Variants in HCN1 observed in about 807,000 individuals in gnomAD.
The protein encoded by HCN1 is potassium/sodium hyperpolarization-activated cyclic nucleotide-gated channel 1.
In HCN1, 13 loss-of-function variants were observed where a neutral mutation model predicts 78.9. The ratio of observed to expected loss-of-function variants is 0.16; its 90% CI spans 0.11 to 0.26. The LOEUF (loss-of-function observed/expected upper bound fraction) is 0.26, where lower values mean the gene tolerates loss of function less well. HCN1 is among the 10% of genes least tolerant of loss of function. The pLI is 1.00. For missense variants in HCN1, 810 were observed against 1,154.3 expected (o/e 0.70, Z 4.32); for synonymous variants, 552 against 455.5 (o/e 1.21, Z -2.70).
At chr5:45,479,069 G>A (rs1368937764) in intron 2 of HCN1, among the ~76,000 whole-genome samples, 1 of 151,614 alleles carries the variant, frequency 6.6e-6, no homozygotes, top group African/African-American at 2.4e-5. Context: ...AGAGGTTGCA[G>A]TGAACAGAGA....
intron 3 of HCN1, among the ~76,000 whole-genome samples, chr5:45,455,312 T>C (rs1269662099): frequency 6.6e-6 from 1 of 152,052 alleles, no homozygotes; most frequent in Non-Finnish European, 1.5e-5. Flanking sequence ...TTCCTATTAA[T>C]AGATATGTCA....
At chr5:45,641,847 C>T (rs1745460741) in intron 2 of HCN1, 2 of 152,116 alleles carry the variant, frequency 1.3e-5, no homozygotes, top group Admixed American at 6.6e-5. Context: ...CCTTAATCTA[C>T]TCTTTATCTC....
chr5:45,366,498 CT>C (rs2111998532), intron 4 of HCN1, among the ~76,000 whole-genome samples: 1 of 151,812 alleles, frequency 6.6e-6, no homozygotes, highest in African/African-American at 2.4e-5. Flanking sequence ...TAATCTTCTA[CT>C]TCATTATTTT....
At chr5:45,266,676 A>T (rs187944769) in intron 7 of HCN1, among the ~76,000 whole-genome samples, 13 of 152,080 alleles carry the variant, frequency 8.5e-5, no homozygotes, top group Admixed American at 6.5e-4. Flanking sequence ...ACACAAATTA[A>T]CAAGCAAGCT....
chr5:45,691,391 G>A (rs1690613347), intron 1 of HCN1, among the ~76,000 whole-genome samples: 1 of 151,626 alleles, frequency 6.6e-6, no homozygotes, highest in Admixed American at 6.6e-5. Context: ...TCTACTAAAT[G>A]CAACAGTGAA....
chr5:45,315,760 C>A (rs991050093), intron 5 of HCN1, among the ~76,000 whole-genome samples: 5 of 152,130 alleles, frequency 3.3e-5, no homozygotes, highest in Admixed American at 1.3e-4. Context: ...GAAATACAGA[C>A]TACCATCAGA....
chr5:45,617,043 T>A (rs1034520395), intron 2 of HCN1, among the ~76,000 whole-genome samples: 8 of 152,176 alleles, frequency 5.3e-5, no homozygotes, highest in African/African-American at 1.9e-4. Flanking sequence ...GAGCAGTGAT[T>A]TCAAAAATAC....
At chr5:45,375,228 T>C (rs1579853130) in intron 4 of HCN1, among the ~76,000 whole-genome samples, 2 of 115,830 alleles carry the variant, frequency 1.7e-5, no homozygotes, top group African/African-American at 3.5e-5. Context: ...TATAATATTT[T>C]ATAATATATA....
intron 2 of HCN1, among the ~76,000 whole-genome samples, chr5:45,551,609 A>G (rs969697056): frequency 6.6e-6 from 1 of 151,962 alleles, no homozygotes; most frequent in Non-Finnish European, 1.5e-5. Flanking sequence ...TTGTTTATTC[A>G]GATTATAATC....
chr5:45,350,236 A>C (rs868284754), intron 5 of HCN1, among the ~76,000 whole-genome samples: 1 of 152,188 alleles, frequency 6.6e-6, no homozygotes, highest in South Asian at 2.1e-4. Context: ...AAATCAATAA[A>C]TGTAATCCAG....
At chr5:45,451,908 C>T (rs532184822) in intron 3 of HCN1, among the ~76,000 whole-genome samples, 204 of 152,076 alleles carry the variant, frequency 1.3e-3, no homozygotes, top group African/African-American at 4.5e-3. Flanking sequence ...AAGGGTAGCA[C>T]ACAGTGATCT....
chr5:45,303,726 T>A lies in HCN1; in HGVS notation c.1491A>T (p.Gln497His). The change falls in exon 6 of 8, where the codon CAA becomes CAT. Residue 497 changes from glutamine to histidine, a missense_variant. Gln to His is a conservative substitution (Grantham distance 24). Transcript: ENST00000303230. ...MLSKLRFEVF[Q>H]PGDYIIREGA... ...CTTCTCGTATGATATAATCTCCAGGTTGAAACACCTCAAATCTCAACTTGC... is the reference window on the plus strand; with the variant it reads ...CTTCTCGTATGATATAATCTCCAGGATGAAACACCTCAAATCTCAACTTGC... 1 of 1,613,714 alleles carries A rather than the reference T, an allele frequency of 6.2e-7. No homozygotes were observed. The highest frequency in any genetic ancestry group is 2.2e-5 in the East Asian group (1 of 44,838).
chr5:45,508,686 A>G (rs901607556), intron 2 of HCN1, among the ~76,000 whole-genome samples: 2 of 152,160 alleles, frequency 1.3e-5, no homozygotes, highest in African/African-American at 4.8e-5. Flanking sequence ...TCTATATAGA[A>G]TGTCTGTGAT....
intron 2 of HCN1, among the ~76,000 whole-genome samples, chr5:45,614,899 C>T (rs1744911894): frequency 6.6e-6 from 1 of 151,114 alleles, no homozygotes. Context: ...TTTGGAAATT[C>T]ATCTATTGGT....
At chr5:45,463,916 T>A (rs1375897148) in intron 2 of HCN1, among the ~76,000 whole-genome samples, 1 of 152,076 alleles carries the variant, frequency 6.6e-6, no homozygotes, top group Non-Finnish European at 1.5e-5. Context: ...GCTTATCACA[T>A]TTCAGCCCAA....
At chr5:45,460,392 C>T (rs76606060) in intron 3 of HCN1, among the ~76,000 whole-genome samples, 3 of 151,942 alleles carry the variant, frequency 2.0e-5, no homozygotes, top group Admixed American at 2.0e-4. Flanking sequence ...ACTCTCCAGG[C>T]TCCAGAGCAG....
At chr5:45,598,750 A>T (rs564143225) in intron 2 of HCN1, among the ~76,000 whole-genome samples, 1 of 152,330 alleles carries the variant, frequency 6.6e-6, no homozygotes, top group East Asian at 1.9e-4. Flanking sequence ...AAAAGTGGGC[A>T]AAAGATATGA....
At chr5:45,451,300 CT>C (rs1579903572) in intron 3 of HCN1, among the ~76,000 whole-genome samples, 2 of 151,902 alleles carry the variant, frequency 1.3e-5, no homozygotes, top group African/African-American at 4.8e-5. Flanking sequence ...TTAAAAAGTT[CT>C]GATCTCTTGG....
At chr5:45,414,939 A>C (rs1740092008) in intron 3 of HCN1, among the ~76,000 whole-genome samples, 1 of 151,960 alleles carries the variant, frequency 6.6e-6, no homozygotes, top group Non-Finnish European at 1.5e-5. Context: ...GTGACCCTTA[A>C]TAATTCTGAG....
Sources: gnomAD v4.1 joint callset for allele counts (sites outside exome capture counted in the v4.1 genomes callset) on GRCh38, gnomAD v4.1.1 for gene constraint, MANE v1.5 for transcripts, NCBI Gene and HGNC (gene_info 2026-07-23, HGNC 2026-07-21) for gene names.